ERI3: variants seen among roughly 807,000 people sequenced by gnomAD.
ERI3 encodes the protein ERI1 exoribonuclease 3.
In ERI3, 18 loss-of-function variants were observed where a neutral mutation model predicts 44.4. The observed-to-expected ratio is 0.41, with a 90% CI of 0.28 to 0.60. ERI3 has a LOEUF of 0.60. Ranked by LOEUF, ERI3 falls within the 20% of genes least tolerant of loss-of-function variation. ERI3 has a pLI of 0.36. For missense variants in ERI3, 294 were observed against 435.5 expected, an observed-to-expected ratio of 0.68 and a Z score of 2.89; for synonymous variants, 183 against 164.8, an observed-to-expected ratio of 1.11 and a Z score of -0.84.
chr1:44,265,912 T>C (rs1644982250), intron 7 of ERI3, among the ~76,000 whole-genome samples: 1 of 152,222 alleles, frequency 6.6e-6, no homozygotes, highest in African/African-American at 2.4e-5. Context: ...ATGGAGTTTC[T>C]TTTAGTGGGG....
chr1:44,232,076 C>T (rs1404068574), intron 8 of ERI3, among the ~76,000 whole-genome samples: 2 of 152,144 alleles, frequency 1.3e-5, no homozygotes, highest in Admixed American at 6.5e-5. Flanking sequence ...ACCTTAGGAT[C>T]GCCTTACCGC....
chr1:44,352,350 G>A (rs1210179356), intron 2 of ERI3, among the ~76,000 whole-genome samples: 1 of 152,172 alleles, frequency 6.6e-6, no homozygotes, highest in Non-Finnish European at 1.5e-5. Flanking sequence ...CTTGTGGGCA[G>A]GAGATCACTT....
At chr1:44,299,631 C>G (rs571079342) in intron 6 of ERI3, among the ~76,000 whole-genome samples, 1 of 152,258 alleles carries the variant, frequency 6.6e-6, no homozygotes, top group African/African-American at 2.4e-5. Context: ...AAAGGTCTTC[C>G]AGCCTTCACT....
intron 7 of ERI3, among the ~76,000 whole-genome samples, chr1:44,257,745 C>T (rs1572129434): frequency 6.6e-6 from 1 of 152,308 alleles, no homozygotes; most frequent in South Asian, 2.1e-4. Context: ...CTGACAGCTC[C>T]TAACAGCACC....
At chr1:44,238,442 G>A (rs533167953) in intron 8 of ERI3, among the ~76,000 whole-genome samples, 3 of 152,272 alleles carry the variant, frequency 2.0e-5, no homozygotes, top group South Asian at 2.1e-4. Context: ...GGGACAGGTC[G>A]GGGAGGGGCC....
At chr1:44,268,551 T>C (rs948977081) in intron 7 of ERI3, among the ~76,000 whole-genome samples, 8 of 152,190 alleles carry the variant, frequency 5.3e-5, no homozygotes, top group African/African-American at 1.9e-4. Context: ...GTCCCATCTA[T>C]AGCAGCCATC....
chr1:44,314,607 C>T (rs1300792532), intron 4 of ERI3, among the ~76,000 whole-genome samples: 1 of 152,116 alleles, frequency 6.6e-6, no homozygotes, highest in Non-Finnish European at 1.5e-5. Flanking sequence ...AAAGAACTGC[C>T]CAGTAGAGGG....
intron 6 of ERI3, among the ~76,000 whole-genome samples, chr1:44,295,754 C>T (rs1409932854): frequency 6.6e-6 from 1 of 152,200 alleles, no homozygotes; most frequent in African/African-American, 2.4e-5. Context: ...CAGACTTTTG[C>T]ATTTGGCCAA....
chr1:44,311,235 C>T (rs1645966077), intron 5 of ERI3, among the ~76,000 whole-genome samples: 1 of 152,140 alleles, frequency 6.6e-6, no homozygotes. Context: ...AAACTGGGCC[C>T]TTATCACAGG....
At chr1:44,244,242 C>T (rs548835048) in intron 8 of ERI3, 2 of 153,164 alleles carry the variant, frequency 1.3e-5, no homozygotes, top group Non-Finnish European at 2.9e-5. Context: ...AGGCCCTACT[C>T]ACCACAACCT....
At chr1:44,260,186 G>C (rs756232162) in intron 7 of ERI3, among the ~76,000 whole-genome samples, 1 of 152,160 alleles carries the variant, frequency 6.6e-6, no homozygotes, top group Non-Finnish European at 1.5e-5. Flanking sequence ...GTCCTTTGAC[G>C]GGAAACAGAC....
intron 6 of ERI3, among the ~76,000 whole-genome samples, chr1:44,285,247 A>C (rs764225404): frequency 6.6e-6 from 1 of 152,252 alleles, no homozygotes; most frequent in African/African-American, 2.4e-5. Flanking sequence ...ACTGTTGTCT[A>C]CATTTTACAG....
chr1:44,225,493 T>C (rs530685055), intron 8 of ERI3, among the ~76,000 whole-genome samples: 157 of 152,286 alleles, frequency 1.0e-3, no homozygotes, highest in South Asian at 7.7e-3. Context: ...TCTCCTCTTC[T>C]TTTTTGGGGC....
chr1:44,348,276 TTG>T (rs1270230347), intron 2 of ERI3, among the ~76,000 whole-genome samples: 2 of 151,958 alleles, frequency 1.3e-5, no homozygotes, highest in African/African-American at 2.4e-5. Flanking sequence ...AGAGAGAGAA[TTG>T]CCTTGGTGCC....
intron 2 of ERI3, among the ~76,000 whole-genome samples, chr1:44,344,716 A>G (rs766492705): frequency 1.2e-4 from 19 of 152,240 alleles, no homozygotes; most frequent in Non-Finnish European, 2.8e-4. Flanking sequence ...AAAGTTTATG[A>G]TTCTGCCTAT....
intron 2 of ERI3, among the ~76,000 whole-genome samples, chr1:44,343,056 T>G (rs556058627): frequency 6.6e-6 from 1 of 150,416 alleles, no homozygotes; most frequent in Non-Finnish European, 1.5e-5. Context: ...ACAGAGGTCC[T>G]TAGAGAAATG....
chr1:44,298,408 A>T (rs1470610157), intron 6 of ERI3, among the ~76,000 whole-genome samples: 1 of 152,208 alleles, frequency 6.6e-6, no homozygotes, highest in Admixed American at 6.5e-5. Context: ...TGATGGGCAT[A>T]GGGAGATTCT....
At chr1:44,345,517 G>A (rs1646766911) in intron 2 of ERI3, among the ~76,000 whole-genome samples, 1 of 152,172 alleles carries the variant, frequency 6.6e-6, no homozygotes, top group Non-Finnish European at 1.5e-5. Context: ...AGCTTCCTCA[G>A]TTCTCAGTCC....
intron 7 of ERI3, among the ~76,000 whole-genome samples, chr1:44,248,832 G>C (rs943600218): frequency 2.0e-5 from 3 of 152,086 alleles, no homozygotes; most frequent in Admixed American, 2.0e-4. Flanking sequence ...GTTGGGGAAG[G>C]AAGTGCTGGG....
Sources: gnomAD v4.1 joint callset for allele counts (sites outside exome capture counted in the v4.1 genomes callset) on GRCh38, gnomAD v4.1.1 for gene constraint, MANE v1.5 for transcripts, NCBI Gene and HGNC (gene_info 2026-07-23, HGNC 2026-07-21) for gene names.